Variants in SEMA5A observed in about 807,000 individuals in gnomAD.
The protein encoded by SEMA5A is semaphorin-5A.
Under a neutral mutation model 135.5 loss-of-function variants are expected in SEMA5A, and 55 were observed. The ratio of observed to expected loss-of-function variants is 0.41; its 90% confidence interval spans 0.33 to 0.51. SEMA5A has a LOEUF of 0.51. Among genes scored for constraint, SEMA5A ranks in the 20% least tolerant of loss-of-function variants. SEMA5A has a pLI of 0.37. For missense variants in SEMA5A, 1,290 were observed against 1,419.9 expected (o/e 0.91, Z 1.47); for synonymous variants, 580 against 546.5 (o/e 1.06, Z -0.85).
rs1443289380 is a variant in SEMA5A at position 9,204,350 on chromosome 5, C to A, written c.647-2110G>T. Among the ~76,000 whole-genome samples, 1 of 152,164 alleles carries A rather than the reference C, an allele frequency of 6.6e-6. No individual in the cohort carries two copies. On this transcript the variant is annotated intron_variant, in intron 8 of 22. Coordinates refer to ENST00000382496, the MANE Select transcript of SEMA5A (RefSeq NM_003966.3). This position sits in a 1 kb window ranked among gnomAD's most constrained non-coding sequence, Gnocchi z 6.4. Reference sequence around the variant, plus strand: ...AACTTATCAAATACACTCACTATTACCCACTTCTGCTATTAACTTGGGGAC... The same window carrying A: ...AACTTATCAAATACACTCACTATTAACCACTTCTGCTATTAACTTGGGGAC...
intron 11 of SEMA5A, among the ~76,000 whole-genome samples, chr5:9,189,409 AAACT>A (rs1158954560): frequency 2.0e-5 from 3 of 149,646 alleles, no homozygotes; most frequent in Non-Finnish European, 4.4e-5. Context: ...AAAAAAAAAA[AAACT>A]AACTGGTAAA....
chr5:9,422,600 T>G (rs571723124), intron 2 of SEMA5A: 1 of 152,316 alleles, frequency 6.6e-6, no homozygotes, highest in Admixed American at 6.5e-5. Flanking sequence ...GTTTCTTACA[T>G]TTCCATTGAG....
chr5:9,055,820 C>T (rs185168429), intron 18 of SEMA5A, among the ~76,000 whole-genome samples: 224 of 151,696 alleles, frequency 1.5e-3, no homozygotes, highest in African/African-American at 5.2e-3. Context: ...GTATTTGATA[C>T]TGGCTGTAAT....
At chr5:9,234,558 C>T (rs892006271) in intron 6 of SEMA5A, among the ~76,000 whole-genome samples, 1 of 152,194 alleles carries the variant, frequency 6.6e-6, no homozygotes, top group Non-Finnish European at 1.5e-5. Flanking sequence ...CTGAGCTGTA[C>T]TTCGAAGCAA....
At chr5:9,117,018 C>G (rs751982975) in intron 15 of SEMA5A, among the ~76,000 whole-genome samples, 8 of 152,182 alleles carry the variant, frequency 5.3e-5, no homozygotes, top group Non-Finnish European at 1.2e-4. Flanking sequence ...TACATAGTCC[C>G]TGTTCTTACT....
rs1411582465 is a variant in SEMA5A at position 9,154,089 on chromosome 5, A to ATGTGTG, written c.1481+398_1481+399insCACACA. On this transcript the variant is annotated intron_variant, in intron 12 of 22. Transcript: ENST00000382496. ...TATATATATATATATATATATATATATATATGTGTGTGTGTGTATGTGTGT... is the reference window on the plus strand; with the variant it reads ...TATATATATATATATATATATATATATGTGTGTATATGTGTGTGTGTGTATGTGTGT... 6.8e-4 allele frequency among the ~76,000 whole-genome samples: 54 copies of ATGTGTG among 79,120 alleles called. 1 individual carries two copies. The highest frequency in any genetic ancestry group is 2.8e-3 in the East Asian group (5 of 1,762). The allele number at this position is 79,120 out of a possible 152,430, so 51.9% of individuals were successfully genotyped here.
intron 6 of SEMA5A, among the ~76,000 whole-genome samples, chr5:9,236,351 G>T (rs535230982): frequency 1.3e-5 from 2 of 152,276 alleles, no homozygotes; most frequent in South Asian, 4.1e-4. Context: ...ATGTAAGTCT[G>T]ACTCCAGGTC....
intron 4 of SEMA5A, among the ~76,000 whole-genome samples, chr5:9,335,214 T>C (rs954905526): frequency 1.3e-5 from 2 of 151,948 alleles, no homozygotes; most frequent in Non-Finnish European, 2.9e-5. Context: ...ATTGGAGATA[T>C]TGGACAGAGA....
chr5:9,212,923 G>A (rs3846580), intron 8 of SEMA5A, among the ~76,000 whole-genome samples: 17,441 of 152,120 alleles, frequency 0.11, 1,091 homozygotes, highest in Middle Eastern at 0.22. Context: ...CCATAAACTC[G>A]GCAGCTTATA....
intron 5 of SEMA5A, among the ~76,000 whole-genome samples, chr5:9,315,896 T>G (rs976376234): frequency 6.6e-6 from 1 of 152,168 alleles, no homozygotes; most frequent in African/African-American, 2.4e-5. Flanking sequence ...GTAAGTACTT[T>G]AAGACTACCA....
rs374488552 is a variant in SEMA5A, at chr5:9,108,128, A to G, written c.2073+12T>C. The stretch of plus-strand genomic sequence containing the variant: ...TGGATTGTGGGCTGGGTGTGAGAAG[A>G]AGGCTACTCACCACATTGCAGCCTG... On this transcript the variant is annotated intron_variant, in intron 16 of 22. Coordinates refer to ENST00000382496, the MANE Select transcript of SEMA5A (RefSeq NM_003966.3). 4 of 1,612,186 alleles carry G rather than the reference A, an allele frequency of 2.5e-6. No individual in the cohort carries two copies. Among genetic ancestry groups the G allele is most frequent in the African/African-American group, 1.3e-5 (1 of 74,816 alleles).
At chr5:9,107,317 T>C (rs1399670484) in intron 16 of SEMA5A, among the ~76,000 whole-genome samples, 1 of 152,150 alleles carries the variant, frequency 6.6e-6, no homozygotes, top group Non-Finnish European at 1.5e-5. Context: ...AGAGGAATTT[T>C]ATTTGACAGT....
intron 7 of SEMA5A, among the ~76,000 whole-genome samples, chr5:9,225,844 A>G (rs568808502): frequency 1.3e-5 from 2 of 152,210 alleles, no homozygotes; most frequent in South Asian, 4.2e-4. Flanking sequence ...TCTTTGCTCA[A>G]TTTGGTTCTT....
intron 1 of SEMA5A, among the ~76,000 whole-genome samples, chr5:9,537,813 C>A (rs534459847): frequency 1.3e-5 from 2 of 152,286 alleles, no homozygotes; most frequent in Admixed American, 1.3e-4. Context: ...TTGCCTGAAG[C>A]ATCACAGGGC....
intron 1 of SEMA5A, among the ~76,000 whole-genome samples, chr5:9,527,299 C>A (rs1438007495): frequency 6.6e-6 from 1 of 152,160 alleles, no homozygotes; most frequent in Non-Finnish European, 1.5e-5. Flanking sequence ...AGAGGGCTAG[C>A]AAGACTTCAA....
rs749764109 is a variant in SEMA5A at position 9,388,954 on chromosome 5, C to T, written c.-77-8931G>A. ...AAGAAGGGAGCACCATTTTCTCTTT[C>T]GTCCACTGCAAGATGTGGAGTCTAT... On this transcript the variant is annotated intron_variant, in intron 2 of 22. Coordinates refer to ENST00000382496, the MANE Select transcript of SEMA5A (RefSeq NM_003966.3). Among the ~76,000 whole-genome samples, 10 of 152,078 alleles carry T rather than the reference C, an allele frequency of 6.6e-5. No individual in the cohort carries two copies. In the South Asian group the frequency reaches 1.0e-3, roughly 16 times the overall value.
chr5:9,428,230 C>T (rs1048291536), intron 2 of SEMA5A, among the ~76,000 whole-genome samples: 2 of 151,758 alleles, frequency 1.3e-5, no homozygotes, highest in Admixed American at 6.6e-5. Flanking sequence ...TACTCTTAAA[C>T]ATTAGTGCTG....
intron 6 of SEMA5A, 98 bp downstream of exon 6, chr5:9,237,730 G>T (rs1328766029): frequency 2.9e-6 from 3 of 1,051,050 alleles, no homozygotes; most frequent in African/African-American, 1.6e-5. Context: ...ACTTTACATG[G>T]CACCGTAATC....
intron 1 of SEMA5A, among the ~76,000 whole-genome samples, chr5:9,474,711 C>T (rs1269707234): frequency 3.3e-5 from 5 of 152,138 alleles, no homozygotes; most frequent in African/African-American, 1.2e-4. Flanking sequence ...ATGGTGGTAA[C>T]TCAGTGAAAC....
Sources: gnomAD v4.1 joint callset for allele counts (sites outside exome capture counted in the v4.1 genomes callset) on GRCh38, gnomAD v4.1.1 for gene constraint, Gnocchi (gnomAD v3.1) non-coding constraint, MANE v1.5 for transcripts, NCBI Gene and HGNC (gene_info 2026-07-23, HGNC 2026-07-21) for gene names.